ART3: variants seen among roughly 807,000 people sequenced by gnomAD.
ART3 encodes the protein ADP-ribosyltransferase 3 (inactive).
Under a neutral mutation model 48.5 loss-of-function variants are expected in ART3, and 49 were observed. That is an observed-to-expected ratio of 1.01 (90% CI 0.80 to 1.28). ART3 has a LOEUF of 1.28. Ranked by LOEUF, ART3 falls within the 50% of genes most tolerant of loss-of-function variation. The pLI is 0.00. For synonymous variants in ART3, 145 were observed against 157.2 expected (o/e 0.92, Z 0.58); for missense variants, 438 against 454.3 (o/e 0.96, Z 0.33).
intron 1 of ART3, among the ~76,000 whole-genome samples, chr4:76,015,210 A>G (rs1196184911): frequency 6.6e-6 from 1 of 152,228 alleles, no homozygotes; most frequent in Non-Finnish European, 1.5e-5. Flanking sequence ...TAAAAAATGC[A>G]TAAAACCATA....
chr4:76,065,893 T>C (rs58972266), intron 1 of ART3, among the ~76,000 whole-genome samples: 3,977 of 152,262 alleles, frequency 0.026, 168 homozygotes, highest in African/African-American at 0.088. Context: ...GTCTGTACTC[T>C]GTAACCTTTA....
At chr4:76,089,073 G>A (rs896298510) in intron 3 of ART3, among the ~76,000 whole-genome samples, 1 of 152,024 alleles carries the variant, frequency 6.6e-6, no homozygotes, top group African/African-American at 2.4e-5. Context: ...TGAAAAAATA[G>A]CACATACTTT....
At position 76,053,414 on chromosome 4, in the gene ART3, C is replaced by T. The variant is rs117865483; in HGVS notation, c.-9-22467C>T. 2.4e-3 allele frequency among the ~76,000 whole-genome samples: 229 copies of T among 96,754 alleles called. 2 individuals carry two copies. The East Asian group carries it at 0.18, about 78-fold the overall frequency. 63.5% of individuals were successfully genotyped at this position (96,754 alleles called of 152,430 possible). The stretch of plus-strand genomic sequence containing the variant: ...CTCTACCTTTTTGGTAGAAGAGTTA[C>T]TAAAAAAAAACTAGCTATTATTTGT... On this transcript the variant is annotated intron_variant, in intron 1 of 9. Transcript: ENST00000341029.
At chr4:76,047,240 C>T (rs1735597130) in intron 1 of ART3, among the ~76,000 whole-genome samples, 1 of 152,014 alleles carries the variant, frequency 6.6e-6, no homozygotes, top group South Asian at 2.1e-4. Flanking sequence ...CCTCTCTGAA[C>T]CACCAAGGCT....
At chr4:76,026,522 T>C (rs964176746) in intron 1 of ART3, among the ~76,000 whole-genome samples, 17 of 152,208 alleles carry the variant, frequency 1.1e-4, no homozygotes, top group African/African-American at 3.9e-4. Flanking sequence ...ATTGTTTTCC[T>C]TAGCTTTAAG....
chr4:76,072,775 C>T (rs1720454310), upstream of ART3, among the ~76,000 whole-genome samples: 1 of 151,982 alleles, frequency 6.6e-6, no homozygotes, highest in South Asian at 2.1e-4. Flanking sequence ...TCTTGTACTA[C>T]TCTAATGTTC....
chr4:76,059,715 A>G (rs538411173), intron 1 of ART3, among the ~76,000 whole-genome samples: 1 of 152,190 alleles, frequency 6.6e-6, no homozygotes, highest in African/African-American at 2.4e-5. Flanking sequence ...GACTCTGACA[A>G]TTTAGAGAAA....
chr4:76,042,299 A>G (rs939873943), intron 1 of ART3, among the ~76,000 whole-genome samples: 10 of 152,254 alleles, frequency 6.6e-5, no homozygotes, highest in African/African-American at 2.4e-4. Context: ...CTGACAAAAG[A>G]AAAAAGGTAG....
chr4:76,104,087 T>G, intron 9 of ART3, 118 bp downstream of exon 9: 1 of 1,138,528 alleles, frequency 8.8e-7, no homozygotes, highest in Non-Finnish European at 1.3e-6. Flanking sequence ...TATAGCTACC[T>G]GCCAGTCATC....
At chr4:76,069,385 C>CTTTTGT (rs1720075345) in intron 1 of ART3, among the ~76,000 whole-genome samples, 1 of 96,350 alleles carries the variant, frequency 1.0e-5, no homozygotes, top group African/African-American at 4.9e-5. Flanking sequence ...GTACTTAATT[C>CTTTTGT]CTTTTTTTTT....
chr4:76,100,797 G>T lies in ART3; in HGVS notation c.880G>T (p.Glu294Ter). The change falls in exon 7 of 12, where the codon GAG becomes TAG. Residue 294 changes from glutamate to a stop codon, truncating the protein, a stop_gained and splice_region_variant. Transcript: ENST00000355810. LOFTEE classifies it high-confidence loss of function. ...ATGAGCTTCTTTTTGTGACTCAGGTGAGAAAAACTGGAAGCTTGAAGACCA... is the reference window on the plus strand; with the variant it reads ...ATGAGCTTCTTTTTGTGACTCAGGTTAGAAAAACTGGAAGCTTGAAGACCA... ...EKNQKLEDHS[E>*]KNWKLEDHGE... 6.2e-7 allele frequency: 1 copy of T among 1,612,166 alleles called. No homozygotes were observed. The highest frequency in any genetic ancestry group is 2.2e-5 in the East Asian group (1 of 44,852).
intron 1 of ART3, among the ~76,000 whole-genome samples, chr4:76,051,896 C>CTTTT (rs1453567140): frequency 3.0e-5 from 3 of 100,252 alleles, no homozygotes; most frequent in African/African-American, 1.2e-4. Flanking sequence ...CTCTCTCTCT[C>CTTTT]TCTTTTTTTT....
chr4:76,088,468 T>A (rs114947262), intron 3 of ART3, among the ~76,000 whole-genome samples: 1,843 of 152,200 alleles, frequency 0.012, 41 homozygotes, highest in African/African-American at 0.042. Context: ...TGAGACCTGT[T>A]GAGCCAGCTC....
At chr4:76,028,743 A>G (rs1459468382) in intron 1 of ART3, among the ~76,000 whole-genome samples, 2 of 152,216 alleles carry the variant, frequency 1.3e-5, no homozygotes, top group African/African-American at 2.4e-5. Context: ...ATACTTTTCA[A>G]TTACCCATGT....
intron 1 of ART3, among the ~76,000 whole-genome samples, chr4:76,053,415 T>TA (rs11384069): frequency 0.58 from 88,179 of 150,970 alleles, 26,531 homozygotes; most frequent in East Asian, 0.94. Flanking sequence ...GAAGAGTTAC[T>TA]AAAAAAAAAC....
rs1722576882 is a variant in ART3, at chr4:76,081,955, T to TA, written c.202dup (p.Thr68AsnfsTer24). On this transcript the variant is annotated frameshift_variant, in exon 3 of 12. Transcript: ENST00000355810. LOFTEE classifies it high-confidence loss of function. ...AAAAAGCAAGCCACCAGCAATTAGATACTGTGTGGGAAAATGCAAAAGCCA... is the reference window on the plus strand; with the variant it reads ...AAAAAGCAAGCCACCAGCAATTAGATAACTGTGTGGGAAAATGCAAAAGCCA... 1 of 1,614,150 alleles carries TA rather than the reference T, an allele frequency of 6.2e-7. No homozygotes were observed. Among genetic ancestry groups the TA allele is most frequent in the Non-Finnish European group, 8.5e-7 (1 of 1,180,022 alleles).
chr4:76,104,742 C>A, intron 10 of ART3, 113 bp downstream of exon 10: 1 of 1,305,430 alleles, frequency 7.7e-7, no homozygotes, highest in Non-Finnish European at 1.1e-6. Flanking sequence ...TCAAATGTAG[C>A]CATCAGTAGT....
intron 1 of ART3, among the ~76,000 whole-genome samples, chr4:76,027,875 C>G (rs1189824862): frequency 6.6e-6 from 1 of 150,848 alleles, no homozygotes; most frequent in African/African-American, 2.4e-5. Context: ...TCCTAATCAT[C>G]CAGGGTAAGC....
intron 11 of ART3, among the ~76,000 whole-genome samples, chr4:76,110,391 T>G (rs1258320900): frequency 6.6e-6 from 1 of 152,162 alleles, no homozygotes; most frequent in Non-Finnish European, 1.5e-5. Flanking sequence ...GTATGCTATT[T>G]TATATAAGGG....
Sources: gnomAD v4.1 joint callset for allele counts (sites outside exome capture counted in the v4.1 genomes callset) on GRCh38, gnomAD v4.1.1 for gene constraint, MANE v1.5 for transcripts, NCBI Gene and HGNC (gene_info 2026-07-23, HGNC 2026-07-21) for gene names.